BPTF: variants seen among roughly 807,000 people sequenced by gnomAD.
The protein encoded by BPTF is bromodomain PHD finger transcription factor.
Under a neutral mutation model 292.5 loss-of-function variants are expected in BPTF, and 18 were observed. The ratio of observed to expected loss-of-function variants is 0.06; its 90% CI spans 0.04 to 0.09. The LOEUF (loss-of-function observed/expected upper bound fraction) is 0.09. BPTF is among the 10% of genes least tolerant of loss of function. The pLI, the probability that BPTF is intolerant of heterozygous loss-of-function variation, is 1.00. For missense variants in BPTF, 2,726 were observed against 3,498.7 expected, an observed-to-expected ratio of 0.78 and a Z score of 5.57; for synonymous variants, 1,225 against 1,251.9, an observed-to-expected ratio of 0.98 and a Z score of 0.45.
intron 4 of BPTF, among the ~76,000 whole-genome samples, chr17:67,889,506 A>T (rs989790600): frequency 6.6e-6 from 1 of 152,176 alleles, no homozygotes; most frequent in Non-Finnish European, 1.5e-5. Context: ...ACATCTTGGC[A>T]TAAAACTCCA....
chr17:67,859,465 C>A (rs2058944006), intron 2 of BPTF, among the ~76,000 whole-genome samples: 1 of 152,206 alleles, frequency 6.6e-6, no homozygotes, highest in Non-Finnish European at 1.5e-5. Context: ...CTATTTTTGT[C>A]TGCATCTTAT....
intron 23 of BPTF, among the ~76,000 whole-genome samples, chr17:67,954,994 T>G (rs1165518242): frequency 6.6e-6 from 1 of 152,168 alleles, no homozygotes; most frequent in Non-Finnish European, 1.5e-5. Context: ...ATTTGTGATA[T>G]GTTTAAAAGC....
chr17:67,874,935 C>A lies in BPTF; in HGVS notation c.1779C>A (p.Asn593Lys). 1 of 1,613,680 alleles carries A rather than the reference C, an allele frequency of 6.2e-7. No homozygotes were observed. The highest frequency in any genetic ancestry group is 8.5e-7 in the Non-Finnish European group (1 of 1,179,844). The change falls in exon 4 of 28, where the codon AAC becomes AAA. Residue 593 changes from asparagine to lysine, a missense_variant. Coordinates refer to ENST00000306378, the MANE Select transcript of BPTF (RefSeq NM_182641.4). ...ATGACTCTAAAGATGCTGAGAAAAA[C>A]AGAGAAGAATTTGAAGACCAGTCCC... Reference protein sequence around the residue: ...TENDSKDAEKNREEFEDQSLE... With the variant: ...TENDSKDAEKKREEFEDQSLE...
At position 67,903,888 on chromosome 17, in the gene BPTF, G is replaced by A; in HGVS notation, c.2643G>A (p.Trp881Ter). Residue 881 changes from tryptophan (W) to a stop codon, truncating the protein, a stop_gained, in exon 8 of 28, where the codon TGG (tryptophan) becomes TGA (stop). Transcript: ENST00000306378. LOFTEE classifies it high-confidence loss of function. Reference sequence around the variant, plus strand: ...AAGAAACGATGCAGCAAGCGACATGGGTAAAATACACATTTCCAGTTAAGC... The same window carrying A: ...AAGAAACGATGCAGCAAGCGACATGAGTAAAATACACATTTCCAGTTAAGC... ...EEEETMQQAT[W>*]VKYTFPVKHQ... 1.3e-6 allele frequency: 2 copies of A among 1,588,586 alleles called. No homozygotes were observed. The highest frequency in any genetic ancestry group is 1.4e-5 in the African/African-American group (1 of 73,084).
chr17:67,948,222 G>A lies in BPTF; in HGVS notation c.7842G>A (p.Leu2614=). The A allele has an allele frequency of 6.2e-7, 1 of 1,614,168 alleles. No individual in the cohort carries two copies. Among genetic ancestry groups the A allele is most frequent in the East Asian group, 2.2e-5 (1 of 44,884 alleles). The change falls in exon 23 of 28, where the codon CTG becomes CTA. Residue 2614 remains leucine (L), a synonymous_variant. Coordinates refer to ENST00000306378, the MANE Select transcript of BPTF (RefSeq NM_182641.4). ...AGAATGCCACTAAGCTGTCAGCTCTGCTCTTCAAGCACAAAGAGCAGCTCA... is the reference window on the plus strand; with the variant it reads ...AGAATGCCACTAAGCTGTCAGCTCTACTCTTCAAGCACAAAGAGCAGCTCA... ...SKQNATKLSA[L]LFKHKEQLRA...
chr17:67,925,060 T>G (rs539326360), intron 15 of BPTF, among the ~76,000 whole-genome samples: 33 of 151,596 alleles, frequency 2.2e-4, no homozygotes, highest in African/African-American at 8.0e-4. Flanking sequence ...GGTTTTTTTT[T>G]TTTTTTTTTT....
At chr17:67,826,598 T>C (rs573831051) in intron 1 of BPTF, among the ~76,000 whole-genome samples, 142 of 140,046 alleles carry the variant, frequency 1.0e-3, no homozygotes, top group Admixed American at 2.7e-3. Context: ...CCAACCCCCT[T>C]TTTTTCCTCT....
At chr17:67,956,678 A>AG (rs1568175154) in intron 23 of BPTF, 1 of 151,698 alleles carries the variant, frequency 6.6e-6, no homozygotes, top group African/African-American at 2.4e-5. Flanking sequence ...AAAAAAAAAA[A>AG]AACGGTCAGG....
chr17:67,848,297 T>C (rs942350740), intron 1 of BPTF, among the ~76,000 whole-genome samples: 40 of 152,334 alleles, frequency 2.6e-4, no homozygotes, highest in African/African-American at 9.6e-4. Context: ...TAGTTTTGTT[T>C]ATGGGTGTCA....
At chr17:67,839,973 T>C (rs1329935358) in intron 1 of BPTF, among the ~76,000 whole-genome samples, 1 of 152,174 alleles carries the variant, frequency 6.6e-6, no homozygotes, top group African/African-American at 2.4e-5. Flanking sequence ...AAAAGACACC[T>C]TAATAAGTAT....
chr17:67,828,137 G>T (rs2056288828), intron 1 of BPTF, among the ~76,000 whole-genome samples: 1 of 152,012 alleles, frequency 6.6e-6, no homozygotes, highest in Non-Finnish European at 1.5e-5. Context: ...TCACCATGTT[G>T]GCCAGGCTGG....
intron 13 of BPTF, among the ~76,000 whole-genome samples, chr17:67,922,229 C>A (rs1387904482): frequency 6.6e-6 from 1 of 152,206 alleles, no homozygotes; most frequent in Non-Finnish European, 1.5e-5. Context: ...GCTTTCATTT[C>A]TGTTTCCTTC....
rs554658427 is a variant in BPTF at position 67,921,932 on chromosome 17, C to T, written c.5558-908C>T. ...CTGTAGTCCCAGCTACTCGGGAGGC[C>T]GAGGCACGAGAATTGGTAAACCCAG... On this transcript the variant is annotated intron_variant, in intron 13 of 27. Transcript: ENST00000306378. Among the ~76,000 whole-genome samples, 12 of 151,958 alleles carry T rather than the reference C, an allele frequency of 7.9e-5. No individual in the cohort carries two copies. The South Asian group carries it at 1.0e-3, about 13-fold the overall frequency.
At chr17:67,830,267 CT>C (rs1450826403) in intron 1 of BPTF, among the ~76,000 whole-genome samples, 2 of 152,146 alleles carry the variant, frequency 1.3e-5, no homozygotes, top group African/African-American at 4.8e-5. Flanking sequence ...TCTGAGAATA[CT>C]TACCTGGAAT....
chr17:67,861,955 C>A (rs963764216), intron 2 of BPTF, among the ~76,000 whole-genome samples: 2 of 152,090 alleles, frequency 1.3e-5, no homozygotes, highest in Non-Finnish European at 2.9e-5. Context: ...TTTTAAAACA[C>A]CCATCCTACC....
chr17:67,945,692 G>A lies in BPTF; in HGVS notation c.6984G>A (p.Gln2328=), dbSNP rs2065756347. ...AQSSKPQVAA[Q]SQPQSNVQGQ... ...CATCCAAGCCCCAAGTTGCAGCACA[G>A]TCTCAGCCTCAAAGTAATGTCCAAG... Residue 2328 remains glutamine (Q), a synonymous_variant, in exon 21 of 28, where the codon CAG becomes CAA. Transcript: ENST00000306378. The A allele has an allele frequency of 6.2e-7, 1 of 1,614,024 alleles. No homozygotes were observed. Among genetic ancestry groups the A allele is most frequent in the African/African-American group, 1.3e-5 (1 of 74,908 alleles).
chr17:67,848,714 T>A (rs1306079766), intron 1 of BPTF, among the ~76,000 whole-genome samples: 1 of 152,236 alleles, frequency 6.6e-6, no homozygotes, highest in African/African-American at 2.4e-5. Flanking sequence ...AACATCCATG[T>A]AGATCCCTTT....
intron 20 of BPTF, 181 bp downstream of exon 20, chr17:67,944,553 TC>T (rs2065648455): frequency 3.1e-6 from 2 of 636,968 alleles, no homozygotes; most frequent in Admixed American, 3.0e-5. Context: ...TCTTACAGAC[TC>T]CCTGTTACCA....
In BPTF at chr17:67,872,427, A is replaced by T. The variant is rs138779477; in HGVS notation, c.1661-2390A>T. Among the ~76,000 whole-genome samples the T allele has an allele frequency of 2.5e-3, 374 of 152,292 alleles. 1 individual carries two copies. Among genetic ancestry groups the T allele is most frequent in the Middle Eastern group, 0.014 (4 of 294 alleles). On this transcript the variant is annotated intron_variant, in intron 3 of 27. Transcript: ENST00000306378. Reference sequence around the variant, plus strand: ...AAGCTATAGGATGTAGTTGTGTTTGAAAATGGCCGGGCGTGGTGGCTCACA... The same window carrying T: ...AAGCTATAGGATGTAGTTGTGTTTGTAAATGGCCGGGCGTGGTGGCTCACA...
Sources: gnomAD v4.1 joint callset for allele counts (sites outside exome capture counted in the v4.1 genomes callset) on GRCh38, gnomAD v4.1.1 for gene constraint, MANE v1.5 for transcripts, NCBI Gene and HGNC (gene_info 2026-07-23, HGNC 2026-07-21) for gene names.